RBFOX1: variants seen among roughly 807,000 people sequenced by gnomAD.
The protein encoded by RBFOX1 is RNA binding fox-1 homolog 1.
In RBFOX1, 8 loss-of-function variants were observed where a neutral mutation model predicts 57.7. That is an observed-to-expected ratio of 0.14 (90% CI 0.08 to 0.25). RBFOX1 has a LOEUF of 0.25. Ranked by LOEUF, RBFOX1 falls within the 10% of genes least tolerant of loss-of-function variation. The probability of loss-of-function intolerance (pLI) is 1.00; values close to 1 mark genes in which losing one functional copy is unlikely to be tolerated. For synonymous variants in RBFOX1, 326 were observed against 222.4 expected (o/e 1.47, Z -4.15); for missense variants, 611 against 548.5 (o/e 1.11, Z -1.14).
At chr16:6,940,388 G>A (rs777164613) in intron 3 of RBFOX1, among the ~76,000 whole-genome samples, 2 of 152,074 alleles carry the variant, frequency 1.3e-5, no homozygotes, top group African/African-American at 4.8e-5. Context: ...GACAATTCCA[G>A]GAACTTAACA....
intron 4 of RBFOX1, among the ~76,000 whole-genome samples, chr16:7,335,429 C>T (rs1265739001): frequency 1.3e-5 from 2 of 152,038 alleles, no homozygotes; most frequent in African/African-American, 2.4e-5. Flanking sequence ...TCATAGTGTC[C>T]ACTTGGAAGG....
intron 3 of RBFOX1, among the ~76,000 whole-genome samples, chr16:6,997,585 C>G (rs1038767700): frequency 3.3e-5 from 5 of 152,114 alleles, no homozygotes; most frequent in Non-Finnish European, 7.4e-5. Flanking sequence ...ATTTAAGATA[C>G]AAAAGATAGA....
chr16:5,988,057 G>A (rs2060316569), intron 4 of RBFOX1, among the ~76,000 whole-genome samples: 1 of 152,140 alleles, frequency 6.6e-6, no homozygotes. Flanking sequence ...TTTTTGAGTG[G>A]CTGTCTCTAC....
chr16:5,643,826 C>G (rs1431756130), intron 3 of RBFOX1, among the ~76,000 whole-genome samples: 1 of 152,144 alleles, frequency 6.6e-6, no homozygotes, highest in Non-Finnish European at 1.5e-5. Flanking sequence ...CAATAATGTG[C>G]CAGGCACATT....
At chr16:7,469,563 A>C in intron 4 of RBFOX1, among the ~76,000 whole-genome samples, 1 of 152,258 alleles carries the variant, frequency 6.6e-6, no homozygotes, top group Non-Finnish European at 1.5e-5. Flanking sequence ...TTTATTTTGA[A>C]ATAGTTTTAG....
chr16:7,140,178 C>G (rs934162810), intron 4 of RBFOX1, among the ~76,000 whole-genome samples: 1 of 145,526 alleles, frequency 6.9e-6, no homozygotes, highest in East Asian at 2.0e-4. Flanking sequence ...CTCTCTCTCT[C>G]TCTCTCTCTC....
At chr16:6,542,426 A>G (rs531879753) in intron 2 of RBFOX1, among the ~76,000 whole-genome samples, 2 of 147,686 alleles carry the variant, frequency 1.4e-5, no homozygotes, top group African/African-American at 5.0e-5. Flanking sequence ...AACTGCAGCT[A>G]AGAAAGGTGT....
chr16:7,353,691 G>A (rs956217091), intron 4 of RBFOX1, among the ~76,000 whole-genome samples: 2 of 152,196 alleles, frequency 1.3e-5, no homozygotes, highest in African/African-American at 4.8e-5. Context: ...TACTAAGTGA[G>A]TGAAGTCAGA....
At chr16:7,654,142 CT>C (rs1282280422) in intron 12 of RBFOX1, among the ~76,000 whole-genome samples, 195 bp downstream of exon 12, 1 of 152,186 alleles carries the variant, frequency 6.6e-6, no homozygotes, top group Non-Finnish European at 1.5e-5. Flanking sequence ...GTAATTTGTC[CT>C]GTCATGGTTG....
At chr16:7,149,852 C>T (rs992126407) in intron 4 of RBFOX1, among the ~76,000 whole-genome samples, 1 of 152,196 alleles carries the variant, frequency 6.6e-6, no homozygotes, top group African/African-American at 2.4e-5. Flanking sequence ...GTCGGAGCAC[C>T]TCTTCCTTAA....
At chr16:6,120,410 C>G (rs1281573181) in intron 1 of RBFOX1, among the ~76,000 whole-genome samples, 1 of 152,162 alleles carries the variant, frequency 6.6e-6, no homozygotes, top group Non-Finnish European at 1.5e-5. Context: ...TTGGAGGATT[C>G]CATTCTCTTT....
chr16:5,251,124 C>A (rs1156904758), intron 1 of RBFOX1, among the ~76,000 whole-genome samples: 1 of 136,166 alleles, frequency 7.3e-6, no homozygotes, highest in African/African-American at 2.5e-5. Flanking sequence ...ACCCTGCTAA[C>A]GGTCCCCCCA....
chr16:7,664,124 G>A (rs935420496), intron 12 of RBFOX1, among the ~76,000 whole-genome samples: 1 of 152,102 alleles, frequency 6.6e-6, no homozygotes, highest in Non-Finnish European at 1.5e-5. Context: ...ATACACCCTT[G>A]TACATATAAG....
chr16:5,247,425 C>T (rs1181592096), intron 1 of RBFOX1, among the ~76,000 whole-genome samples: 2 of 152,172 alleles, frequency 1.3e-5, no homozygotes, highest in African/African-American at 4.8e-5. Context: ...TGCTGGGAGA[C>T]CCTCACATCT....
At chr16:5,605,553 G>C (rs2047542006) in intron 3 of RBFOX1, among the ~76,000 whole-genome samples, 2 of 151,986 alleles carry the variant, frequency 1.3e-5, no homozygotes, top group South Asian at 4.2e-4. Flanking sequence ...CCATTGATTA[G>C]TAATGTCTGC....
intron 3 of RBFOX1, among the ~76,000 whole-genome samples, chr16:5,672,135 T>G (rs2050029929): frequency 1.3e-5 from 2 of 152,170 alleles, no homozygotes; most frequent in African/African-American, 4.8e-5. Flanking sequence ...TCTCTCAGTC[T>G]GGGGGCAGGC....
Position 7,194,942 on chromosome 16 carries a change from A to AG in RBFOX1, c.27+142844_27+142845insG, listed in dbSNP as rs568692593. Among the ~76,000 whole-genome samples, 691 of 151,826 alleles carry AG rather than the reference A, an allele frequency of 4.6e-3. 7 individuals are homozygous for AG. Among genetic ancestry groups the AG allele is most frequent in the African/African-American group, 0.015 (623 of 41,340 alleles). Reference sequence around the variant, plus strand: ...GACCCTGTTTCACAAAAAAAAAAAAAAAGTGAAGAATTCAAAGACAGCTGA... The same window carrying AG: ...GACCCTGTTTCACAAAAAAAAAAAAAGAAGTGAAGAATTCAAAGACAGCTGA... On this transcript the variant is annotated intron_variant, in intron 4 of 15. Transcript: ENST00000550418.
At chr16:7,461,623 A>G (rs904916824) in intron 4 of RBFOX1, among the ~76,000 whole-genome samples, 6 of 152,122 alleles carry the variant, frequency 3.9e-5, no homozygotes, top group Non-Finnish European at 5.9e-5. Context: ...CTGTTTTTGC[A>G]TTTCCAAAAG....
intron 3 of RBFOX1, among the ~76,000 whole-genome samples, chr16:5,606,377 G>A (rs1018561137): frequency 6.6e-6 from 1 of 151,916 alleles, no homozygotes; most frequent in Non-Finnish European, 1.5e-5. Flanking sequence ...CATCAGAAAA[G>A]CCTTGTTCAG....
Sources: allele counts gnomAD v4.1 joint callset (sites outside exome capture counted in the v4.1 genomes callset), GRCh38; gene constraint gnomAD v4.1.1; transcripts MANE v1.5; gene names NCBI Gene and HGNC (gene_info 2026-07-23, HGNC 2026-07-21).